The following TBCK variants were observed in gnomAD, a reference collection of about 807,000 sequenced individuals.
TBCK encodes the protein TBC domain-containing protein kinase-like protein.
A neutral mutation model predicts 113.4 loss-of-function variants in TBCK; 99 were observed. The ratio of observed to expected loss-of-function variants is 0.87; its 90% CI spans 0.74 to 1.03. TBCK has a LOEUF of 1.03. TBCK is among the 50% of genes least tolerant of loss of function. TBCK has a pLI of 0.00. For missense variants in TBCK, 1,045 were observed against 1,061.3 expected (o/e 0.98, Z 0.21); for synonymous variants, 369 against 370.8 (o/e 1.00, Z 0.05).
chr4:106,278,308 A>G (rs1298268236), intron 3 of TBCK, among the ~76,000 whole-genome samples: 1 of 152,118 alleles, frequency 6.6e-6, no homozygotes, highest in Non-Finnish European at 1.5e-5. Context: ...CTGTAATCCT[A>G]GCATTTCGGG....
chr4:106,316,240 C>T (rs1768848984), upstream of TBCK: 1 of 290,688 alleles, frequency 3.4e-6, no homozygotes, highest in Non-Finnish European at 6.5e-6. Flanking sequence ...TTTTCTTCCG[C>T]CCTCACAGCC....
chr4:106,261,567 T>C (rs758959840), intron 4 of TBCK, among the ~76,000 whole-genome samples: 11 of 152,228 alleles, frequency 7.2e-5, no homozygotes, highest in Non-Finnish European at 1.6e-4. Context: ...TCCATAATTC[T>C]CTTTGAAGGG....
At chr4:106,052,815 CACTCAGCTTCAACAA>C (rs1228456656) in intron 25 of TBCK, among the ~76,000 whole-genome samples, 1 of 151,620 alleles carries the variant, frequency 6.6e-6, no homozygotes, top group Non-Finnish European at 1.5e-5. Context: ...AGGTCCCCAA[CACTCAGCTTCAACAA>C]TTGTAACTTG....
intron 25 of TBCK, among the ~76,000 whole-genome samples, chr4:106,087,812 G>C (rs571294596): frequency 1.3e-5 from 2 of 152,296 alleles, no homozygotes; most frequent in South Asian, 2.1e-4. Flanking sequence ...ACAACCATCT[G>C]ATCTTCAACA....
chr4:106,281,910 T>C (rs1327261079), intron 3 of TBCK, among the ~76,000 whole-genome samples: 1 of 152,128 alleles, frequency 6.6e-6, no homozygotes, highest in Non-Finnish European at 1.5e-5. Flanking sequence ...AGGGTAATAT[T>C]GGCCTCGTAG....
At chr4:106,241,574 C>T (rs1020130508) in intron 12 of TBCK, among the ~76,000 whole-genome samples, 16 of 151,722 alleles carry the variant, frequency 1.1e-4, no homozygotes, top group African/African-American at 3.6e-4. Flanking sequence ...TATCAAGGCC[C>T]AGAAACATAT....
At chr4:106,297,889 C>T (rs1766478344) in intron 2 of TBCK, 1 of 152,184 alleles carries the variant, frequency 6.6e-6, no homozygotes, top group South Asian at 2.1e-4. Flanking sequence ...TAGCCACCTG[C>T]CTCACAGGGT....
rs185286835 is a variant in TBCK at position 106,068,846 on chromosome 4, T to C, written c.2572-22166A>G. Among the ~76,000 whole-genome samples, 842 of 152,314 alleles carry C rather than the reference T, an allele frequency of 5.5e-3. 9 individuals carry two copies. The highest frequency in any genetic ancestry group is 0.02 in the African/African-American group (813 of 41,574). The stretch of plus-strand genomic sequence containing the variant: ...TTTTAATGATCGCCATTCTAACTGG[T>C]GTGAGATGGTATCTCATTGTGGTTT... On this transcript the variant is annotated intron_variant, in intron 25 of 25. Coordinates refer to ENST00000394708, the MANE Select transcript of TBCK (RefSeq NM_001163435.3).
intron 24 of TBCK, among the ~76,000 whole-genome samples, chr4:106,096,460 AAAC>A (rs1356920892): frequency 3.9e-5 from 6 of 152,242 alleles, no homozygotes; most frequent in Admixed American, 6.5e-5. Flanking sequence ...CATATTTATC[AAAC>A]AACCTTTTCA....
Position 106,193,768 on chromosome 4 carries a change from C to T in TBCK, c.1900G>A (p.Val634Ile), listed in dbSNP as rs2149814303. The change falls in exon 22 of 26, where the codon GTA becomes ATA. Residue 634 changes from valine (V) to isoleucine (I), a missense_variant and splice_region_variant. Val to Ile is a conservative substitution (Grantham distance 29, BLOSUM62 3). Coordinates refer to ENST00000394708, the MANE Select transcript of TBCK (RefSeq NM_001163435.3). ...IPWFLTMFTHVFPLHKIFHLW... is the reference protein window; with the variant it reads ...IPWFLTMFTHIFPLHKIFHLW... The stretch of plus-strand genomic sequence containing the variant: ...TGGAAAATTTTGTGTAGTGGAAATA[C>T]ATCTGTAAAACGATAAAAATACAAA... 8 of 1,552,712 alleles carry T rather than the reference C, an allele frequency of 5.2e-6. No homozygotes were observed. Among genetic ancestry groups the T allele is most frequent in the Non-Finnish European group, 6.9e-6 (8 of 1,154,746 alleles).
At chr4:106,191,580 G>A (rs1291001000) in intron 22 of TBCK, among the ~76,000 whole-genome samples, 1 of 152,168 alleles carries the variant, frequency 6.6e-6, no homozygotes, top group Non-Finnish European at 1.5e-5. Flanking sequence ...TGTTCATCCA[G>A]TTAAGTGCTT....
rs140722799 is a variant in TBCK, at chr4:106,165,009, G to A, written c.2235+6086C>T. The stretch of plus-strand genomic sequence containing the variant: ...AAAAAAATTAATTTAATAAAATCTT[G>A]GGTTAGTATATGTATTCATAATGAG... On this transcript the variant is annotated intron_variant, in intron 23 of 25. Coordinates refer to ENST00000394708, the MANE Select transcript of TBCK (RefSeq NM_001163435.3). Among the ~76,000 whole-genome samples, 171 of 151,452 alleles carry A rather than the reference G, an allele frequency of 1.1e-3. 1 individual carries two copies. Among genetic ancestry groups the A allele is most frequent in the African/African-American group, 4.1e-3 (168 of 41,404 alleles).
chr4:106,301,535 T>A (rs1385788943), intron 2 of TBCK, among the ~76,000 whole-genome samples: 1 of 152,224 alleles, frequency 6.6e-6, no homozygotes, highest in Admixed American at 6.5e-5. Flanking sequence ...TCTGAAACTC[T>A]AATAAAATGT....
intron 24 of TBCK, among the ~76,000 whole-genome samples, chr4:106,115,848 G>T (rs1055758741): frequency 2.6e-5 from 4 of 152,132 alleles, no homozygotes; most frequent in Admixed American, 1.3e-4. Context: ...TTTTCTCTAG[G>T]CTATGAGGTA....
intron 3 of TBCK, among the ~76,000 whole-genome samples, chr4:106,278,124 G>C (rs996126222): frequency 2.0e-5 from 3 of 151,974 alleles, no homozygotes; most frequent in African/African-American, 7.3e-5. Flanking sequence ...AAGTAAATAA[G>C]GTAATATGAA....
intron 23 of TBCK, among the ~76,000 whole-genome samples, chr4:106,120,036 G>T (rs1450652739): frequency 2.6e-5 from 4 of 152,180 alleles, no homozygotes; most frequent in Admixed American, 6.5e-5. Context: ...GGTGATTTCT[G>T]CATTTCCATC....
At chr4:106,168,481 G>A (rs922499603) in intron 23 of TBCK, among the ~76,000 whole-genome samples, 1 of 151,876 alleles carries the variant, frequency 6.6e-6, no homozygotes, top group African/African-American at 2.4e-5. Context: ...TATATTAGAT[G>A]TTGTATCTAA....
intron 3 of TBCK, 40 bp downstream of exon 3, chr4:106,295,054 G>T: frequency 6.6e-7 from 1 of 1,515,600 alleles, no homozygotes; most frequent in Non-Finnish European, 9.0e-7. Context: ...TGTTTGCCAA[G>T]TTCTGCTTTT....
intron 25 of TBCK, among the ~76,000 whole-genome samples, chr4:106,054,564 TGATG>T (rs1048607181): frequency 6.6e-6 from 1 of 151,750 alleles, no homozygotes; most frequent in African/African-American, 2.4e-5. Context: ...GTATGTTTAT[TGATG>T]GTCTCTCCCA....
Sources: gnomAD v4.1 joint callset for allele counts (sites outside exome capture counted in the v4.1 genomes callset) on GRCh38, gnomAD v4.1.1 for gene constraint, MANE v1.5 for transcripts, NCBI Gene and HGNC (gene_info 2026-07-23, HGNC 2026-07-21) for gene names.